Variants in CYP2C19 observed in about 807,000 individuals in gnomAD.
The protein encoded by CYP2C19 is cytochrome P450 2C19.
Under a neutral mutation model 40.9 loss-of-function variants are expected in CYP2C19, and 59 were observed. That is an observed-to-expected ratio of 1.44 (90% confidence interval 1.17 to 1.79). CYP2C19 has a LOEUF of 1.79. Ranked by LOEUF, CYP2C19 falls within the 40% of genes most tolerant of loss-of-function variation. The pLI, the probability that CYP2C19 is intolerant of heterozygous loss-of-function variation, is 0.00. For missense variants in CYP2C19, 754 were observed against 596.9 expected (o/e 1.26, Z -2.74); for synonymous variants, 253 against 208.7 (o/e 1.21, Z -1.83).
intron 3 of CYP2C19, chr10:94,776,335 C>T (rs1403073095): frequency 2.0e-5 from 3 of 151,948 alleles, no homozygotes; most frequent in African/African-American, 7.2e-5. Flanking sequence ...TATCTCTTTC[C>T]AATCATATTT....
chr10:94,812,824 T>G (rs1848946230), intron 5 of CYP2C19, among the ~76,000 whole-genome samples: 1 of 152,016 alleles, frequency 6.6e-6, no homozygotes, highest in Non-Finnish European at 1.5e-5. Context: ...TTTAGCTCAG[T>G]GGAGTTTGTT....
At chr10:94,774,888 G>C (rs1848385004) in intron 1 of CYP2C19, 170 bp from the exon 2 acceptor site, 1 of 712,506 alleles carries the variant, frequency 1.4e-6, no homozygotes, top group Non-Finnish European at 2.3e-6. Flanking sequence ...GGCCATCTGA[G>C]TGGCAAGTAT....
chr10:94,845,587 A>AT (rs1436961231), intron 7 of CYP2C19, among the ~76,000 whole-genome samples: 1 of 152,016 alleles, frequency 6.6e-6, no homozygotes, highest in Non-Finnish European at 1.5e-5. Context: ...CTTTCCCATA[A>AT]TTTTTTTGTT....
rs985283652 is a variant in CYP2C19 at position 94,854,697 on chromosome 10, C to A, written c.*1783C>A. ...ATAATATATATATGTATAACTTATG[C>A]ACACATACATATAGGGTTAAATGTT... On this transcript the variant is annotated 3_prime_UTR_variant, in exon 9 of 9. Transcript: ENST00000371321. 3.9e-5 allele frequency among the ~76,000 whole-genome samples: 6 copies of A among 151,970 alleles called. No homozygotes were observed. Among genetic ancestry groups the A allele is most frequent in the African/African-American group, 1.2e-4 (5 of 41,386 alleles).
chr10:94,804,204 A>G (rs1848803160), intron 5 of CYP2C19, among the ~76,000 whole-genome samples: 1 of 152,084 alleles, frequency 6.6e-6, no homozygotes, highest in South Asian at 2.1e-4. Context: ...ACACATGCAG[A>G]CCATTTCCAG....
At chr10:94,822,729 C>A (rs1309013029) in intron 6 of CYP2C19, among the ~76,000 whole-genome samples, 2 of 152,164 alleles carry the variant, frequency 1.3e-5, no homozygotes, top group African/African-American at 4.8e-5. Context: ...ACCTCACCAG[C>A]ATCTCTTGTT....
intron 1 of CYP2C19, among the ~76,000 whole-genome samples, chr10:94,764,266 C>A (rs1012543539): frequency 1.3e-5 from 2 of 152,062 alleles, no homozygotes; most frequent in Admixed American, 6.5e-5. Context: ...TGCTGATTGG[C>A]CCATTTTACA....
At chr10:94,768,860 T>A (rs1198048155) in intron 1 of CYP2C19, among the ~76,000 whole-genome samples, 1 of 152,176 alleles carries the variant, frequency 6.6e-6, no homozygotes. Context: ...AAGCTTGTAC[T>A]AGGGCCTGCT....
At chr10:94,789,210 ATTTG>A (rs1220722428) in intron 5 of CYP2C19, among the ~76,000 whole-genome samples, 2 of 151,104 alleles carry the variant, frequency 1.3e-5, no homozygotes, top group East Asian at 1.9e-4. Flanking sequence ...TTTCTTTTAA[ATTTG>A]TTTAAGTTCT....
At chr10:94,842,163 G>A (rs72816684) in intron 6 of CYP2C19, among the ~76,000 whole-genome samples, 3,285 of 152,004 alleles carry the variant, frequency 0.022, 46 homozygotes, top group Non-Finnish European at 0.03. Context: ...TACATATCTG[G>A]GTGCTCCATT....
At chr10:94,801,900 G>T (rs575768787) in intron 5 of CYP2C19, among the ~76,000 whole-genome samples, 1 of 152,284 alleles carries the variant, frequency 6.6e-6, no homozygotes, top group South Asian at 2.1e-4. Flanking sequence ...TTTGTGGTGA[G>T]TGTTAGAGCT....
intron 5 of CYP2C19, among the ~76,000 whole-genome samples, chr10:94,818,703 G>A (rs1318438548): frequency 6.7e-6 from 1 of 149,760 alleles, no homozygotes; most frequent in African/African-American, 2.5e-5. Context: ...TCTGTTGTTG[G>A]TGTATAAGAA....
chr10:94,843,225 A>G (rs568718190), intron 7 of CYP2C19, among the ~76,000 whole-genome samples: 2 of 152,268 alleles, frequency 1.3e-5, no homozygotes, highest in African/African-American at 4.8e-5. Context: ...TGTGTTTTTC[A>G]GATTTATTCT....
intron 1 of CYP2C19, among the ~76,000 whole-genome samples, chr10:94,768,415 T>G (rs1354507105): frequency 6.6e-6 from 1 of 152,152 alleles, no homozygotes; most frequent in African/African-American, 2.4e-5. Context: ...GTGGCATAAA[T>G]CTGGACTATA....
At chr10:94,796,058 T>G (rs764051500) in intron 5 of CYP2C19, among the ~76,000 whole-genome samples, 7 of 152,122 alleles carry the variant, frequency 4.6e-5, no homozygotes, top group African/African-American at 1.7e-4. Flanking sequence ...GTGTTTTAGA[T>G]GTGAAGTCCT....
chr10:94,814,269 G>T (rs567739410), intron 5 of CYP2C19, among the ~76,000 whole-genome samples: 1 of 151,800 alleles, frequency 6.6e-6, no homozygotes, highest in African/African-American at 2.4e-5. Context: ...GTTTCTTTAA[G>T]GTAATTATTT....
Position 94,802,910 on chromosome 10 carries a change from G to C in CYP2C19, c.820-17586G>C, listed in dbSNP as rs113231998. Among the ~76,000 whole-genome samples the C allele has an allele frequency of 2.5e-3, 382 of 152,160 alleles. 2 individuals carry two copies. Among genetic ancestry groups the C allele is most frequent in the African/African-American group, 8.0e-3 (334 of 41,520 alleles). On this transcript the variant is annotated intron_variant, in intron 5 of 8. Transcript: ENST00000371321. ...TATTTTTTTAAGAATGTTGAATATT[G>C]GCCCTCACTCTCTTCTCGCTTGTCA...
intron 3 of CYP2C19, chr10:94,775,959 T>A (rs1274522091): frequency 4.7e-6 from 1 of 212,260 alleles, no homozygotes. Flanking sequence ...ATGAACCAAA[T>A]GGCATGTGCT....
chr10:94,843,913 A>G (rs1293847370), intron 7 of CYP2C19, among the ~76,000 whole-genome samples: 1 of 152,222 alleles, frequency 6.6e-6, no homozygotes, highest in Non-Finnish European at 1.5e-5. Context: ...TTTTGGTAGA[A>G]ATTCTTTATC....
Sources: gnomAD v4.1 joint callset for allele counts (sites outside exome capture counted in the v4.1 genomes callset) on GRCh38, gnomAD v4.1.1 for gene constraint, MANE v1.5 for transcripts, NCBI Gene and HGNC (gene_info 2026-07-23, HGNC 2026-07-21) for gene names.